Variants in CAST observed in about 807,000 individuals in gnomAD.
CAST encodes calpastatin, also known as MIR583 host.
Under a neutral mutation model 119.6 loss-of-function variants are expected in CAST, and 76 were observed. The observed-to-expected ratio is 0.64, with a 90% CI of 0.53 to 0.77. The LOEUF (loss-of-function observed/expected upper bound fraction) is 0.77. CAST is among the 30% of genes least tolerant of loss of function. CAST has a pLI of 0.00. For synonymous variants in CAST, 319 were observed against 331.6 expected, an observed-to-expected ratio of 0.96 and a Z score of 0.41; for missense variants, 953 against 946.5, an observed-to-expected ratio of 1.01 and a Z score of -0.09.
At chr5:96,691,437 A>G (rs927399259) in intron 2 of CAST, among the ~76,000 whole-genome samples, 2 of 152,234 alleles carry the variant, frequency 1.3e-5, no homozygotes, top group South Asian at 4.1e-4. Flanking sequence ...ATCCCATAAA[A>G]GGTTATTATT....
At chr5:96,698,918 A>G (rs1202640570) in intron 3 of CAST, among the ~76,000 whole-genome samples, 1 of 152,218 alleles carries the variant, frequency 6.6e-6, no homozygotes, top group Non-Finnish European at 1.5e-5. Flanking sequence ...TGTGTAAGCT[A>G]TGTATTAGAG....
At chr5:96,514,165 G>A in the CAST span, among the ~76,000 whole-genome samples, 1 of 152,158 alleles carries the variant, frequency 6.6e-6, no homozygotes, top group Non-Finnish European at 1.5e-5. Flanking sequence ...GGTATTGGGG[G>A]CTAAGGACTT....
chr5:96,554,259 T>C (rs171919), intron 1 of CAST, among the ~76,000 whole-genome samples: 125,736 of 152,166 alleles, frequency 0.83, 52,106 homozygotes, highest in East Asian at 1. Context: ...CACACATCTG[T>C]CACCATCTGA....
intron 1 of CAST, among the ~76,000 whole-genome samples, chr5:96,645,914 A>G (rs1748008884): frequency 1.3e-5 from 2 of 151,704 alleles, no homozygotes; most frequent in Non-Finnish European, 1.5e-5. Context: ...ATCTATAAAG[A>G]CAAAAATAAC....
At chr5:96,488,934 T>C in the CAST span, among the ~76,000 whole-genome samples, 5 of 152,252 alleles carry the variant, frequency 3.3e-5, no homozygotes, top group East Asian at 9.7e-4. Context: ...AACCAAGATA[T>C]TTATGTAGGA....
At chr5:96,302,413 C>T in the CAST span, among the ~76,000 whole-genome samples, 1 of 152,178 alleles carries the variant, frequency 6.6e-6, no homozygotes, top group African/African-American at 2.4e-5. Flanking sequence ...TTTACTTATG[C>T]AAATTTCTGC....
At chr5:96,113,966 C>A in the CAST span, among the ~76,000 whole-genome samples, 2 of 152,218 alleles carry the variant, frequency 1.3e-5, no homozygotes, top group East Asian at 3.9e-4. Context: ...CATCATCAGT[C>A]CCTCTATTTT....
the CAST span, among the ~76,000 whole-genome samples, chr5:96,020,113 A>G: frequency 6.6e-6 from 1 of 152,216 alleles, no homozygotes; most frequent in Non-Finnish European, 1.5e-5. Flanking sequence ...GCAAGTGGTT[A>G]GTTTGGCAAA....
intron 2 of CAST, among the ~76,000 whole-genome samples, chr5:96,693,592 C>T (rs1044052520): frequency 6.6e-6 from 1 of 152,176 alleles, no homozygotes; most frequent in African/African-American, 2.4e-5. Context: ...CTTCAGTTTC[C>T]TCGCTGGAAA....
chr5:96,512,352 C>T, the CAST span, among the ~76,000 whole-genome samples: 13 of 152,174 alleles, frequency 8.5e-5, no homozygotes, highest in Non-Finnish European at 1.6e-4. Context: ...AGCTTATAAA[C>T]CTGTATATTT....
At chr5:96,737,606 A>G (rs559448537) in intron 10 of CAST, among the ~76,000 whole-genome samples, 1 of 152,286 alleles carries the variant, frequency 6.6e-6, no homozygotes, top group East Asian at 1.9e-4. Context: ...TAATGCCTGT[A>G]GACTTGTTGA....
At chr5:96,469,896 A>G in the CAST span, among the ~76,000 whole-genome samples, 1 of 136,866 alleles carries the variant, frequency 7.3e-6, no homozygotes. Context: ...ATATACACAC[A>G]CATATATATA....
At chr5:96,199,688 C>A in the CAST span, among the ~76,000 whole-genome samples, 1 of 152,088 alleles carries the variant, frequency 6.6e-6, no homozygotes, top group Non-Finnish European at 1.5e-5. Context: ...TTTTGGTTTT[C>A]AGAGAAAAGA....
chr5:96,215,858 A>C, the CAST span, among the ~76,000 whole-genome samples: 1 of 152,210 alleles, frequency 6.6e-6, no homozygotes. Flanking sequence ...CCCAGTCTGC[A>C]GTGCAGTAGC....
At chr5:96,541,284 A>T (rs1745907648) in intron 1 of CAST, among the ~76,000 whole-genome samples, 1 of 152,012 alleles carries the variant, frequency 6.6e-6, no homozygotes, top group African/African-American at 2.4e-5. Flanking sequence ...GAGTTCTTTC[A>T]GTTGACTCTT....
intron 1 of CAST, among the ~76,000 whole-genome samples, chr5:96,555,667 G>A (rs894394648): frequency 3.9e-5 from 6 of 152,192 alleles, no homozygotes; most frequent in Non-Finnish European, 8.8e-5. Flanking sequence ...AGGCGGCAGC[G>A]AGGCTGACGG....
the CAST span, among the ~76,000 whole-genome samples, chr5:96,224,905 A>G: frequency 2.6e-5 from 4 of 152,304 alleles, no homozygotes; most frequent in South Asian, 2.1e-4. Context: ...TGAACTGGCC[A>G]ACTCAGCTCA....
the CAST span, among the ~76,000 whole-genome samples, chr5:96,075,962 T>C: frequency 6.6e-6 from 1 of 152,206 alleles, no homozygotes. Context: ...TCATCTTATT[T>C]CTCTAATTGG....
intron 1 of CAST, among the ~76,000 whole-genome samples, chr5:96,555,727 G>A (rs1227573263): frequency 6.6e-6 from 1 of 152,234 alleles, no homozygotes; most frequent in Admixed American, 6.5e-5. Context: ...AAGCGGCCAG[G>A]AAGCTCAAAC....
Sources: gnomAD v4.1 joint callset for allele counts (sites outside exome capture counted in the v4.1 genomes callset) on GRCh38, gnomAD v4.1.1 for gene constraint, MANE v1.5 for transcripts, NCBI Gene and HGNC (gene_info 2026-07-23, HGNC 2026-07-21) for gene names.